The following CAD variants were observed in gnomAD, a reference collection of about 807,000 sequenced individuals.
CAD encodes carbamoyl-phosphate synthetase 2, aspartate transcarbamylase, and dihydroorotase.
A neutral mutation model predicts 237.2 loss-of-function variants in CAD; 81 were observed. That is an observed-to-expected ratio of 0.34 (90% confidence interval 0.29 to 0.41). The LOEUF (loss-of-function observed/expected upper bound fraction) is 0.41, where lower values mean the gene tolerates loss of function less well. CAD is among the 10% of genes least tolerant of loss of function. The pLI is 1.00. For synonymous variants in CAD, 1,196 were observed against 1,162.8 expected (o/e 1.03, Z -0.58); for missense variants, 2,181 against 2,951.7 (o/e 0.74, Z 6.05).
At position 27,230,127 on chromosome 2, in the gene CAD, A is replaced by G. The variant is rs538563159; in HGVS notation, c.2288-1341A>G. Reference sequence around the variant, plus strand: ...GTGGCAGGTGCCTGTAATCCCAGCTACTTGGGAGGCTGAGGCAGGAGAATC... The same window carrying G: ...GTGGCAGGTGCCTGTAATCCCAGCTGCTTGGGAGGCTGAGGCAGGAGAATC... On this transcript the variant is annotated intron_variant, in intron 15 of 43. Transcript: ENST00000264705. 2.8e-4 allele frequency among the ~76,000 whole-genome samples: 43 copies of G among 152,050 alleles called. No individual in the cohort carries two copies. The South Asian group carries it at 7.7e-3, about 27-fold the overall frequency.
In CAD at chr2:27,223,073, G is replaced by A. The variant is rs756407232; in HGVS notation, c.809+36G>A. 3 of 1,603,802 alleles carry A rather than the reference G, an allele frequency of 1.9e-6. No homozygotes were observed. In the East Asian group the frequency reaches 6.7e-5, roughly 36 times the overall value. ...TGGGGAGCAGAAGGGGCCCATACTT[G>A]TGGCATGAGGGGTGGGGTGTCTCAG... On this transcript the variant is annotated intron_variant, in intron 6 of 43. Transcript: ENST00000264705.
intron 11 of CAD, 146 bp downstream of exon 11, chr2:27,225,389 C>T (rs1298965281): frequency 1.7e-6 from 1 of 604,972 alleles, no homozygotes; most frequent in Non-Finnish European, 2.9e-6. Flanking sequence ...TCATCATAAC[C>T]TCCACCTCCC....
chr2:27,238,960 T>C (rs1201953953), intron 31 of CAD, 82 bp from the exon 32 acceptor site: 2 of 1,328,864 alleles, frequency 1.5e-6, no homozygotes, highest in Non-Finnish European at 2.1e-6. Flanking sequence ...AGGAGGTTGT[T>C]GGAAGTGCAG....
At position 27,233,156 on chromosome 2, in the gene CAD, G is replaced by A. The variant is rs1306764925; in HGVS notation, c.2991+16G>A. 6.3e-7 allele frequency: 1 copy of A among 1,580,548 alleles called. No individual in the cohort carries two copies. Among genetic ancestry groups the A allele is most frequent in the Admixed American group, 1.7e-5 (1 of 59,972 alleles). On this transcript the variant is annotated intron_variant, in intron 19 of 43. Coordinates refer to ENST00000264705, the MANE Select transcript of CAD (RefSeq NM_004341.5). This position sits in a 1 kb window ranked among gnomAD's most constrained non-coding sequence, Gnocchi z 6.3. Reference sequence around the variant, plus strand: ...CTCTTTTGAGGTGAGGGAGATGGAGGCTTCCTGGTAGCTTGAGTGGCCAGG... The same window carrying A: ...CTCTTTTGAGGTGAGGGAGATGGAGACTTCCTGGTAGCTTGAGTGGCCAGG...
intron 15 of CAD, among the ~76,000 whole-genome samples, chr2:27,227,727 TTA>T (rs1320628269): frequency 1.3e-5 from 2 of 152,196 alleles, no homozygotes; most frequent in African/African-American, 4.8e-5. Context: ...GATGAGACAT[TTA>T]ATTGTTTTAC....
chr2:27,243,149 T>C (rs200762273), intron 42 of CAD, 49 bp from the exon 43 acceptor site: 3 of 1,572,532 alleles, frequency 1.9e-6, no homozygotes, highest in Non-Finnish European at 2.6e-6. Context: ...GTGTCCTCTG[T>C]AGCCACTCCT....
chr2:27,224,114 C>A, intron 8 of CAD, 85 bp downstream of exon 8: 1 of 1,046,292 alleles, frequency 9.6e-7, no homozygotes, highest in Non-Finnish European at 1.5e-6. Flanking sequence ...CCCTGGGCAA[C>A]TCCTAGATGT....
At chr2:27,219,709 C>T (rs1259456299) in intron 2 of CAD, among the ~76,000 whole-genome samples, 2 of 152,158 alleles carry the variant, frequency 1.3e-5, no homozygotes, top group Non-Finnish European at 2.9e-5. Context: ...CCCACCTCAG[C>T]CTCCCGAGTA....
At position 27,236,507 on chromosome 2, in the gene CAD, C is replaced by T; in HGVS notation, c.4298C>T (p.Thr1433Ile). 1 of 1,612,300 alleles carries T rather than the reference C, an allele frequency of 6.2e-7. No homozygotes were observed. The highest frequency in any genetic ancestry group is 8.5e-7 in the Non-Finnish European group (1 of 1,180,010). Residue 1433 changes from threonine to isoleucine, a missense_variant, in exon 26 of 44, where the codon ACC becomes ATC. Physicochemically the swap from Thr to Ile is moderately conservative, Grantham distance 89 (BLOSUM62 -1). Coordinates refer to ENST00000264705, the MANE Select transcript of CAD (RefSeq NM_004341.5). This position sits in a 1 kb window ranked among gnomAD's most constrained non-coding sequence, Gnocchi z 4.1. ...CCCCTAATCATCGATATCAAGTGCA[C>T]CAAACTCTTTGTGGAGGTAACTGAG... The part of the protein sequence containing the change: ...SVPLIIDIKC[T>I]KLFVEALGQI...
chr2:27,238,365 T>C (rs1353902720), intron 30 of CAD, 66 bp from the exon 31 acceptor site: 8 of 1,488,454 alleles, frequency 5.4e-6, no homozygotes, highest in South Asian at 3.9e-5. Flanking sequence ...ATGTTGGCCA[T>C]TGGGACTTTG....
Position 27,236,229 on chromosome 2 carries a change from G to A in CAD, c.4075-55G>A. On this transcript the variant is annotated intron_variant, in intron 25 of 43. Transcript: ENST00000264705. The surrounding 1 kb of genome is among the most constrained non-coding windows in gnomAD (Gnocchi z 4.1). ...GGCCAGCTCCTCTCCCTTAAGGCTA[G>A]CCTTCCTGACCGCTGCCAGACAGCT... 2 of 1,595,384 alleles carry A rather than the reference G, an allele frequency of 1.3e-6. No homozygotes were observed. The highest frequency in any genetic ancestry group is 1.1e-5 in the South Asian group (1 of 88,608).
Position 27,239,568 on chromosome 2 carries a change from C to A in CAD, c.5394+97C>A. The A allele has an allele frequency of 2.0e-6, 3 of 1,535,096 alleles. No homozygotes were observed. The highest frequency in any genetic ancestry group is 2.7e-6 in the Non-Finnish European group (3 of 1,119,142). ...CACATCTACACTGTCCCACTATGTG[C>A]ACCACTGCCCTGGACCAGGGGTTGG... is the stretch of plus-strand genomic sequence containing the variant. On this transcript the variant is annotated intron_variant, in intron 33 of 43. Transcript: ENST00000264705. The surrounding 1 kb of genome is among the most constrained non-coding windows in gnomAD (Gnocchi z 4.0).
Position 27,226,606 on chromosome 2 carries a change from G to C in CAD, c.2113G>C (p.Val705Leu). Residue 705 changes from valine (V) to leucine (L), a missense_variant, in exon 14 of 44, where the codon GTG becomes CTG. Val to Leu is a conservative substitution (Grantham distance 32). Coordinates refer to ENST00000264705, the MANE Select transcript of CAD (RefSeq NM_004341.5). ...GGCCACAGGTTATCCACTGGCTTAT[G>C]TGGCAGCCAAGCTAGCATTGGGCAT... The part of the protein sequence containing the change: ...SKATGYPLAY[V>L]AAKLALGIPL... 1 of 1,614,208 alleles carries C rather than the reference G, an allele frequency of 6.2e-7. No homozygotes were observed. The highest frequency in any genetic ancestry group is 8.5e-7 in the Non-Finnish European group (1 of 1,180,044).
At position 27,231,960 on chromosome 2, in the gene CAD, G is replaced by A; in HGVS notation, c.2401-20G>A. The A allele has an allele frequency of 2.5e-6, 4 of 1,614,050 alleles. No homozygotes were observed. The highest frequency in any genetic ancestry group is 3.4e-6 in the Non-Finnish European group (4 of 1,179,944). On this transcript the variant is annotated intron_variant, in intron 16 of 43. Coordinates refer to ENST00000264705, the MANE Select transcript of CAD (RefSeq NM_004341.5). ...GATGGGCTGGCAGTAGCTTCCGTCT[G>A]TCTACCCCCTTTCTATCAGGAGTTG...
rs574708421 is a variant in CAD, at chr2:27,222,802, G to A, written c.638-64G>A. The A allele has an allele frequency of 3.0e-5, 48 of 1,582,280 alleles. 1 individual carries two copies. In the South Asian group the frequency reaches 5.1e-4, roughly 17 times the overall value. ...CTTAACACTCTCATGGGCTGGGGGGGCTGCAGGTGTGTCTCCTGTAATTGA... is the reference window on the plus strand; with the variant it reads ...CTTAACACTCTCATGGGCTGGGGGGACTGCAGGTGTGTCTCCTGTAATTGA... On this transcript the variant is annotated intron_variant, in intron 5 of 43. Transcript: ENST00000264705.
Position 27,239,463 on chromosome 2 carries a change from G to A in CAD, c.5386G>A (p.Asp1796Asn), listed in dbSNP as rs1676190443. 1.1e-5 allele frequency: 18 copies of A among 1,613,580 alleles called. No individual in the cohort carries two copies. Among genetic ancestry groups the A allele is most frequent in the South Asian group, 2.2e-5 (2 of 91,058 alleles). Reference sequence around the variant, plus strand: ...CCTGCGAGGGGAGGTTGCCTATATCGATGGGCAGGTACGCAAGTAGCCCCT... The same window carrying A: ...CCTGCGAGGGGAGGTTGCCTATATCAATGGGCAGGTACGCAAGTAGCCCCT... Reference protein sequence around the residue: ...VVLRGEVAYIDGQVLVPPGYG... With the variant: ...VVLRGEVAYINGQVLVPPGYG... The change falls in exon 33 of 44, where the codon GAT becomes AAT. Residue 1796 changes from aspartate to asparagine, a missense_variant. Asp to Asn is a conservative substitution (Grantham distance 23). Around this residue, in one of 12 missense-constraint regions of CAD, gnomAD observed 478 missense variants for 515.0 expected, o/e 0.93. Coordinates refer to ENST00000264705, the MANE Select transcript of CAD (RefSeq NM_004341.5). This position sits in a 1 kb window ranked among gnomAD's most constrained non-coding sequence, Gnocchi z 4.0.
At position 27,225,906 on chromosome 2, in the gene CAD, G is replaced by A. The variant is rs142041705; in HGVS notation, c.1822G>A (p.Ala608Thr). ...GATTGAGTACGAGGTGGTGAGAGAC[G>A]CCTATGGCAACTGTGTCACGGTGAG... The part of the protein sequence containing the change: ...KEIEYEVVRD[A>T]YGNCVTVCNM... Residue 608 changes from alanine to threonine, a missense_variant, in exon 12 of 44, where the codon GCC (alanine) becomes ACC (threonine). Around this residue, in one of 12 missense-constraint regions of CAD, gnomAD observed 385 missense variants for 535.1 expected, o/e 0.72. Transcript: ENST00000264705. The A allele has an allele frequency of 1.9e-5, 31 of 1,613,960 alleles. No homozygotes were observed. The highest frequency in any genetic ancestry group is 6.7e-5 in the African/African-American group (5 of 74,942).
At chr2:27,231,888 G>GT (rs1558536303) in intron 16 of CAD, 92 bp from the exon 17 acceptor site, 1 of 1,501,526 alleles carries the variant, frequency 6.7e-7, no homozygotes, top group Non-Finnish European at 9.2e-7. Flanking sequence ...CTGGTGTACA[G>GT]TTTCCCCTTC....
At chr2:27,227,023 CAA>C in intron 15 of CAD, 61 bp downstream of exon 15, 1 of 1,484,546 alleles carries the variant, frequency 6.7e-7, no homozygotes, top group Non-Finnish European at 9.4e-7. Flanking sequence ...TCTTAAATGT[CAA>C]GAGTTCCCTG....
Sources: gnomAD v4.1 joint callset for allele counts (sites outside exome capture counted in the v4.1 genomes callset) on GRCh38, gnomAD v4.1.1 for gene constraint, gnomAD v4.1.1 regional missense constraint, Gnocchi (gnomAD v3.1) non-coding constraint, MANE v1.5 for transcripts, NCBI Gene and HGNC (gene_info 2026-07-23, HGNC 2026-07-21) for gene names.